The following POLK variants were observed in gnomAD, a reference collection of about 807,000 sequenced individuals.
POLK encodes polymerase (DNA directed) kappa.
POLK carries 76 observed loss-of-function variants against 94.0 expected under a neutral mutation model. The ratio of observed to expected loss-of-function variants is 0.81; its 90% confidence interval spans 0.67 to 0.98. The LOEUF (loss-of-function observed/expected upper bound fraction) is 0.98. Ranked by LOEUF, POLK falls within the 50% of genes least tolerant of loss-of-function variation. The probability of loss-of-function intolerance (pLI) is 0.00; values close to 1 mark genes in which losing one functional copy is unlikely to be tolerated. For missense variants in POLK, 954 were observed against 1,010.1 expected (o/e 0.94, Z 0.75); for synonymous variants, 349 against 325.4 (o/e 1.07, Z -0.78).
At chr5:75,579,365 T>A (rs973842461) in intron 6 of POLK, among the ~76,000 whole-genome samples, 5 of 151,722 alleles carry the variant, frequency 3.3e-5, no homozygotes, top group African/African-American at 9.7e-5. Flanking sequence ...CTTTATTTTT[T>A]TTTTATTTTT....
At chr5:75,511,100 G>C (rs1043091060), upstream of POLK, 79 of 1,540,350 alleles carry the variant, frequency 5.1e-5, no homozygotes, top group East Asian at 1.8e-3. Flanking sequence ...CTTGGCACCA[G>C]GGGTTGCTCA....
intron 3 of POLK, among the ~76,000 whole-genome samples, chr5:75,557,847 T>TG (rs1326028832): frequency 6.6e-6 from 1 of 152,204 alleles, no homozygotes; most frequent in Non-Finnish European, 1.5e-5. Flanking sequence ...TGCTGCGTAG[T>TG]GGGATGACCT....
chr5:75,519,422 C>T (rs187390188), intron 1 of POLK, among the ~76,000 whole-genome samples: 2 of 152,184 alleles, frequency 1.3e-5, no homozygotes, highest in African/African-American at 2.4e-5. Flanking sequence ...TTTAACTCCC[C>T]TGTTTCTTTG....
chr5:75,568,735 C>T, intron 3 of POLK: 1 of 425,350 alleles, frequency 2.4e-6, no homozygotes, highest in South Asian at 1.7e-5. Flanking sequence ...TTACATTATG[C>T]TACAGTATCT....
At chr5:75,585,741 A>G (rs530004570) in intron 9 of POLK, among the ~76,000 whole-genome samples, 1 of 152,298 alleles carries the variant, frequency 6.6e-6, no homozygotes, top group Admixed American at 6.5e-5. Flanking sequence ...GAATCGTGGA[A>G]GTCAACTCTG....
intron 1 of POLK, among the ~76,000 whole-genome samples, chr5:75,531,943 G>A (rs1035161940): frequency 6.6e-6 from 1 of 152,132 alleles, no homozygotes; most frequent in Non-Finnish European, 1.5e-5. Flanking sequence ...TTTGACTAGA[G>A]GAGGATCCAC....
chr5:75,531,284 ATATACTATG>A (rs1769167176), intron 1 of POLK, among the ~76,000 whole-genome samples: 1 of 148,860 alleles, frequency 6.7e-6, no homozygotes, highest in Admixed American at 6.8e-5. Context: ...TATATTGTTT[ATATACTATG>A]TATAAACAAT....
chr5:75,608,487 G>A, the POLK span, among the ~76,000 whole-genome samples: 1 of 152,100 alleles, frequency 6.6e-6, no homozygotes, highest in East Asian at 1.9e-4. Flanking sequence ...GAGACACCAC[G>A]CCTGGCCCAA....
rs1422688326 is a variant in POLK, at chr5:75,558,495, T to C, written c.255+5904T>C. ...GAATCCTTTCTTCACTGAGTTGAAA[T>C]GAAGTACTTCCAAATTAAAAAATTC... On this transcript the variant is annotated intron_variant, in intron 3 of 14. Coordinates refer to ENST00000241436, the Ensembl canonical transcript of POLK. Among the ~76,000 whole-genome samples, 3 of 152,296 alleles carry C rather than the reference T, an allele frequency of 2.0e-5. No individual in the cohort carries two copies. In the South Asian group the frequency reaches 6.2e-4, roughly 32 times the overall value.
chr5:75,597,935 C>T (rs1322055045), exon 15 of POLK: 1 of 1,464,790 alleles, frequency 6.8e-7, no homozygotes, highest in East Asian at 2.5e-5. Context: ...TCATTCTAGG[C>T]CAGGATTGAT....
At chr5:75,522,833 T>G (rs3094247) in intron 1 of POLK, among the ~76,000 whole-genome samples, 1 of 152,058 alleles carries the variant, frequency 6.6e-6, no homozygotes, top group Non-Finnish European at 1.5e-5. Flanking sequence ...ATATAGTAAT[T>G]GTAGGATAGA....
intron 10 of POLK, among the ~76,000 whole-genome samples, chr5:75,589,049 C>T (rs1027810473): frequency 1.1e-4 from 17 of 152,092 alleles, no homozygotes; most frequent in African/African-American, 4.1e-4. Flanking sequence ...ATCACAGATA[C>T]ACATGTACTT....
At chr5:75,514,932 T>C (rs1006048053) in intron 1 of POLK, among the ~76,000 whole-genome samples, 1 of 152,222 alleles carries the variant, frequency 6.6e-6, no homozygotes, top group African/African-American at 2.4e-5. Context: ...TGAGAATCTG[T>C]CAGAGCCAGA....
intron 2 of POLK, among the ~76,000 whole-genome samples, chr5:75,551,416 A>G (rs527525328): frequency 6.6e-6 from 1 of 152,164 alleles, no homozygotes; most frequent in Non-Finnish European, 1.5e-5. Flanking sequence ...CTCTTAAAAA[A>G]AAAAGAAAAA....
chr5:75,575,189 C>G (rs1022107562), intron 5 of POLK, among the ~76,000 whole-genome samples: 1 of 152,074 alleles, frequency 6.6e-6, no homozygotes, highest in African/African-American at 2.4e-5. Flanking sequence ...AAAGCCCTCC[C>G]GTTTTTTTTG....
intron 1 of POLK, among the ~76,000 whole-genome samples, chr5:75,519,437 T>G (rs2112530120): frequency 6.6e-6 from 1 of 152,260 alleles, no homozygotes; most frequent in Non-Finnish European, 1.5e-5. Flanking sequence ...TCTTTGTTGA[T>G]TTTCTGTCTG....
chr5:75,513,353 A>T (rs532177556), intron 1 of POLK, among the ~76,000 whole-genome samples: 1 of 152,062 alleles, frequency 6.6e-6, no homozygotes, highest in African/African-American at 2.4e-5. Flanking sequence ...GGACTCCTTT[A>T]TCTGTTGATT....
chr5:75,552,723 G>T, intron 3 of POLK, 132 bp downstream of exon 3: 1 of 926,976 alleles, frequency 1.1e-6, no homozygotes, highest in Non-Finnish European at 1.6e-6. Flanking sequence ...TACATATTCA[G>T]CAAATGAACA....
rs551841862 is a variant in POLK at position 75,548,746 on chromosome 5, A to G, written c.135+1589A>G. Among the ~76,000 whole-genome samples the G allele has an allele frequency of 1.4e-4, 21 of 152,004 alleles. No homozygotes were observed. The East Asian group carries it at 1.7e-3, about 13-fold the overall frequency. On this transcript the variant is annotated intron_variant, in intron 2 of 14. Transcript: ENST00000241436. Reference sequence around the variant, plus strand: ...TGTGTGTGTATGTATGTGTGTGTGTATACACTCATACTTCCCCAACATATA... The same window carrying G: ...TGTGTGTGTATGTATGTGTGTGTGTGTACACTCATACTTCCCCAACATATA...
Sources: allele counts gnomAD v4.1 joint callset (sites outside exome capture counted in the v4.1 genomes callset), GRCh38; gene constraint gnomAD v4.1.1; transcripts MANE v1.5; gene names NCBI Gene and HGNC (gene_info 2026-07-23, HGNC 2026-07-21).